OTUD7A: variants seen among roughly 807,000 people sequenced by gnomAD.
The protein encoded by OTUD7A is OTU domain-containing protein 7A.
A neutral mutation model predicts 65.7 loss-of-function variants in OTUD7A; 12 were observed. The observed-to-expected ratio is 0.18, with a 90% CI of 0.12 to 0.30. The LOEUF (loss-of-function observed/expected upper bound fraction) is 0.30. Ranked by LOEUF, OTUD7A falls within the 10% of genes least tolerant of loss-of-function variation. OTUD7A has a pLI of 1.00. For missense variants in OTUD7A, 1,148 were observed against 1,304.8 expected (o/e 0.88, Z 1.85); for synonymous variants, 641 against 586.3 (o/e 1.09, Z -1.35).
chr15:31,737,400 G>A (rs1212011632), intron 1 of OTUD7A, among the ~76,000 whole-genome samples: 2 of 152,108 alleles, frequency 1.3e-5, no homozygotes, highest in Non-Finnish European at 2.9e-5. Flanking sequence ...ATCAAAAAAG[G>A]TAGTCATGAA....
intron 5 of OTUD7A, among the ~76,000 whole-genome samples, chr15:31,540,687 T>C (rs1466217824): frequency 6.6e-6 from 1 of 152,208 alleles, no homozygotes. Context: ...ATTATGCATA[T>C]ACAGGTCCAA....
intron 3 of OTUD7A, among the ~76,000 whole-genome samples, chr15:31,642,440 T>G (rs1891544114): frequency 6.6e-6 from 1 of 152,236 alleles, no homozygotes; most frequent in South Asian, 2.1e-4. Flanking sequence ...TAACCCCTTT[T>G]CAATTTCCTG....
intron 8 of OTUD7A, among the ~76,000 whole-genome samples, chr15:31,507,947 A>G (rs908957512): frequency 3.9e-5 from 6 of 152,198 alleles, no homozygotes; most frequent in African/African-American, 7.2e-5. Flanking sequence ...GATTATAACA[A>G]TAAGTGTTAG....
chr15:31,484,530 G>T lies in OTUD7A; in HGVS notation c.1566C>A (p.Asn522Lys). Residue 522 changes from asparagine (N) to lysine (K), a missense_variant, in exon 13 of 13, where the codon AAC becomes AAA. Physicochemically the swap from Asn to Lys is moderately conservative, Grantham distance 94 (BLOSUM62 0). Transcript: ENST00000307050. The surrounding 1 kb of genome is among the most constrained non-coding windows in gnomAD (Gnocchi z 4.5). ...KDKTRADSVANKLGSFSKTLG... is the reference protein window; with the variant it reads ...KDKTRADSVAKKLGSFSKTLG... ...GCGTCTTGCTGAAGCTGCCCAGCTT[G>T]TTGGCCACGGAGTCGGCGCGCGTCT... 1 of 1,611,030 alleles carries T rather than the reference G, an allele frequency of 6.2e-7. No individual in the cohort carries two copies.
At chr15:31,741,263 T>G (rs1894335079) in intron 1 of OTUD7A, among the ~76,000 whole-genome samples, 1 of 152,108 alleles carries the variant, frequency 6.6e-6, no homozygotes, top group African/African-American at 2.4e-5. Context: ...TTCAAAATAA[T>G]ATAGGAGGTT....
Position 31,483,604 on chromosome 15 carries a change from T to C in OTUD7A, c.2492A>G (p.Glu831Gly). 1 of 1,221,376 alleles carries C rather than the reference T, an allele frequency of 8.2e-7. No homozygotes were observed. Among genetic ancestry groups the C allele is most frequent in the South Asian group, 3.2e-5 (1 of 31,236 alleles). The allele number at this position is 1,221,376 out of a possible 1,614,324, so 75.7% of individuals were successfully genotyped here. A position where few individuals can be genotyped will look rare whatever the true frequency, so the allele number is the denominator to read the frequency against. Residue 831 changes from glutamate (E) to glycine (G), a missense_variant, in exon 13 of 13, where the codon GAG (glutamate) becomes GGG (glycine). By Grantham distance (98) the Glu-to-Gly change is moderately conservative (BLOSUM62 -2). Coordinates refer to ENST00000307050, the MANE Select transcript of OTUD7A (RefSeq NM_001382637.1). ...AAALRTVNTV[E>G]SLARAVPGAL... ...CCCGGGCACCGCGCGCGCCAGCGACTCGACCGTGTTGACGGTGCGCAGGGC... is the reference window on the plus strand; with the variant it reads ...CCCGGGCACCGCGCGCGCCAGCGACCCGACCGTGTTGACGGTGCGCAGGGC...
In OTUD7A at chr15:31,487,465, C is replaced by T. The variant is rs773917546; in HGVS notation, c.1273G>A (p.Ala425Thr). Reference protein sequence around the residue: ...WEWGKDDNDNARLAHLILSLE... With the variant: ...WEWGKDDNDNTRLAHLILSLE... ...GTAGGATCTTACTGGGCCAGCCGGG[C>T]GTTATCGTTGTCGTCTTTCCCCCAC... Residue 425 changes from alanine (A) to threonine (T), a missense_variant, in exon 11 of 13, where the codon GCC (alanine) becomes ACC (threonine). Physicochemically the swap from Ala to Thr is moderately conservative, Grantham distance 58 (BLOSUM62 0). Coordinates refer to ENST00000307050, the MANE Select transcript of OTUD7A (RefSeq NM_001382637.1). The surrounding 1 kb of genome is among the most constrained non-coding windows in gnomAD (Gnocchi z 6.0). The T allele has an allele frequency of 4.3e-6, 7 of 1,613,906 alleles. No homozygotes were observed. The highest frequency in any genetic ancestry group is 2.2e-5 in the South Asian group (2 of 91,042).
Position 31,484,373 on chromosome 15 carries a change from G to T in OTUD7A, c.1723C>A (p.Arg575Ser), listed in dbSNP as rs928564075. Residue 575 changes from arginine to serine, a missense_variant, in exon 13 of 13, where the codon CGC (arginine) becomes AGC (serine). Around this residue, in one of 6 missense-constraint regions of OTUD7A, gnomAD observed 842 missense variants for 769.5 expected, o/e 1.09. Coordinates refer to ENST00000307050, the MANE Select transcript of OTUD7A (RefSeq NM_001382637.1). The surrounding 1 kb of genome is among the most constrained non-coding windows in gnomAD (Gnocchi z 4.5). ...CCAGACTCCTCCTTGCTGCCCTTGC[G>T]CGACTTGGCCTTCTTCTCCTTGCCC... Reference protein sequence around the residue: ...ERGKEKKAKSRKGSKEESGAS... With the variant: ...ERGKEKKAKSSKGSKEESGAS... 19 of 1,601,026 alleles carry T rather than the reference G, an allele frequency of 1.2e-5. No homozygotes were observed. Among genetic ancestry groups the T allele is most frequent in the Non-Finnish European group, 1.5e-5 (18 of 1,179,668 alleles).
chr15:31,648,980 C>T (rs1331314177), intron 3 of OTUD7A, among the ~76,000 whole-genome samples: 6 of 152,070 alleles, frequency 3.9e-5, no homozygotes, highest in African/African-American at 9.7e-5. Flanking sequence ...AGGCTGGTCT[C>T]GAACTCCTGA....
At chr15:31,735,690 C>T (rs1281284184) in intron 1 of OTUD7A, among the ~76,000 whole-genome samples, 1 of 152,166 alleles carries the variant, frequency 6.6e-6, no homozygotes, top group Non-Finnish European at 1.5e-5. Flanking sequence ...TATCATTCAA[C>T]CCAGCAACCC....
chr15:31,547,518 TAACA>T (rs1214963083), intron 5 of OTUD7A, among the ~76,000 whole-genome samples: 4 of 152,224 alleles, frequency 2.6e-5, no homozygotes, highest in African/African-American at 7.2e-5. Flanking sequence ...ATACCTAGAT[TAACA>T]AACAGATTTC....
At position 31,480,621 on chromosome 15, in the gene OTUD7A, T is replaced by C. The variant is rs547908434; in HGVS notation, c.*2673A>G. The C allele has an allele frequency of 6.6e-6, 1 of 150,854 alleles. No homozygotes were observed. Among genetic ancestry groups the C allele is most frequent in the South Asian group, 2.1e-4 (1 of 4,748 alleles). 9.3% of individuals were successfully genotyped at this position (150,854 alleles called of 1,614,324 possible). ...TAGTTTCTGGCCAGCCTGCTGAAGT[T>C]GGTCTCTGGCCAGGGACGAGGTCTA... On this transcript the variant is annotated 3_prime_UTR_variant, in exon 13 of 13. Coordinates refer to ENST00000307050, the MANE Select transcript of OTUD7A (RefSeq NM_001382637.1).
intron 3 of OTUD7A, among the ~76,000 whole-genome samples, chr15:31,620,762 T>C (rs7166984): frequency 5.7e-5 from 6 of 104,698 alleles, no homozygotes; most frequent in African/African-American, 2.5e-4. Context: ...GTGTCTCTAT[T>C]TCCTTCAGTT....
At chr15:31,816,743 A>T (rs532340080) in intron 1 of OTUD7A, among the ~76,000 whole-genome samples, 39 of 152,338 alleles carry the variant, frequency 2.6e-4, no homozygotes, top group Non-Finnish European at 4.4e-4. Context: ...TTTACTACTT[A>T]AAAGAATCCT....
chr15:31,770,802 A>G (rs1328782032), intron 1 of OTUD7A, among the ~76,000 whole-genome samples: 2 of 152,256 alleles, frequency 1.3e-5, no homozygotes, highest in African/African-American at 4.8e-5. Context: ...ACGCCAAATA[A>G]TAATCTCACT....
At position 31,811,391 on chromosome 15, in the gene OTUD7A, G is replaced by T. The variant is rs557166868; in HGVS notation, c.-100+59116C>A. 2.6e-5 allele frequency among the ~76,000 whole-genome samples: 4 copies of T among 151,860 alleles called. No individual in the cohort carries two copies. In the East Asian group the frequency reaches 7.8e-4, roughly 29 times the overall value. On this transcript the variant is annotated intron_variant, in intron 1 of 12. Transcript: ENST00000307050. ...GATATGTATCCATACTTGCATGTGTGGGGGGGTATGATGTGGGCTGTGTCT... is the reference window on the plus strand; with the variant it reads ...GATATGTATCCATACTTGCATGTGTTGGGGGGTATGATGTGGGCTGTGTCT...
chr15:31,584,844 C>T (rs564341110), intron 3 of OTUD7A, among the ~76,000 whole-genome samples: 6 of 152,282 alleles, frequency 3.9e-5, no homozygotes, highest in South Asian at 2.1e-4. Context: ...TATTTCTCTC[C>T]GGTTTGGTGA....
chr15:31,727,796 A>G (rs1291527505), intron 1 of OTUD7A, among the ~76,000 whole-genome samples: 6 of 152,116 alleles, frequency 3.9e-5, no homozygotes, highest in African/African-American at 1.4e-4. Flanking sequence ...TGTTGCTGCA[A>G]TAACACCTGG....
intron 1 of OTUD7A, among the ~76,000 whole-genome samples, chr15:31,674,549 G>A (rs1892554411): frequency 6.6e-6 from 1 of 152,122 alleles, no homozygotes; most frequent in Admixed American, 6.5e-5. Flanking sequence ...TTGAGACCCT[G>A]GATTTCAGAA....
Sources: allele counts gnomAD v4.1 joint callset (sites outside exome capture counted in the v4.1 genomes callset), GRCh38; gene constraint gnomAD v4.1.1; regional missense constraint gnomAD v4.1.1; non-coding constraint Gnocchi (gnomAD v3.1); transcripts MANE v1.5; gene names NCBI Gene and HGNC (gene_info 2026-07-23, HGNC 2026-07-21).